The following DCP1B variants were observed in gnomAD, a reference collection of about 807,000 sequenced individuals.
The protein encoded by DCP1B is decapping mRNA 1B.
DCP1B carries 47 observed loss-of-function variants against 60.5 expected under a neutral mutation model. The observed-to-expected ratio is 0.78, with a 90% CI of 0.61 to 0.99. The LOEUF is 0.99. Ranked by LOEUF, DCP1B falls within the 50% of genes least tolerant of loss-of-function variation. The pLI is 0.00. For missense variants in DCP1B, 725 were observed against 756.8 expected, an observed-to-expected ratio of 0.96 and a Z score of 0.49; for synonymous variants, 267 against 280.3, an observed-to-expected ratio of 0.95 and a Z score of 0.47.
At chr12:2,001,887 G>A (rs2042273181) in intron 1 of DCP1B, among the ~76,000 whole-genome samples, 1 of 152,156 alleles carries the variant, frequency 6.6e-6, no homozygotes. Context: ...TCCAGACACT[G>A]CCAAATGTCA....
intron 5 of DCP1B, among the ~76,000 whole-genome samples, chr12:1,956,275 T>C (rs565740648): frequency 3.8e-4 from 58 of 152,358 alleles, no homozygotes; most frequent in African/African-American, 1.3e-3. Context: ...ATGGCAATGA[T>C]ACTGGTGTCT....
At chr12:1,989,170 G>A (rs1314336609) in intron 3 of DCP1B, among the ~76,000 whole-genome samples, 2 of 152,134 alleles carry the variant, frequency 1.3e-5, no homozygotes, top group African/African-American at 4.8e-5. Context: ...GATCACTTGA[G>A]GCCAGGAATT....
chr12:1,967,073 G>T (rs1197046383), intron 4 of DCP1B, among the ~76,000 whole-genome samples: 1 of 152,126 alleles, frequency 6.6e-6, no homozygotes, highest in Non-Finnish European at 1.5e-5. Flanking sequence ...CCCCATAAAT[G>T]GCAGGGAAAT....
Position 1,949,143 on chromosome 12 carries a change from G to C in DCP1B, c.1716C>G (p.Ile572Met). The C allele has an allele frequency of 6.2e-7, 1 of 1,614,124 alleles. No homozygotes were observed. Among genetic ancestry groups the C allele is most frequent in the East Asian group, 2.2e-5 (1 of 44,880 alleles). The change falls in exon 8 of 9, where the codon ATC becomes ATG. Residue 572 changes from isoleucine to methionine, a missense_variant. By Grantham distance (10) the Ile-to-Met change is conservative. Coordinates refer to ENST00000280665, the MANE Select transcript of DCP1B (RefSeq NM_152640.5). The stretch of plus-strand genomic sequence containing the variant: ...GGAGCTTGGTGAGTGGGCTGCTGGT[G>C]ATCACGGAGGGCTCCGGGCTCTGTA... ...LPIQSPEPSVITSSPLTKLQL... is the reference protein window; with the variant it reads ...LPIQSPEPSVMTSSPLTKLQL...
chr12:1,968,419 C>T (rs113478655), intron 3 of DCP1B, among the ~76,000 whole-genome samples: 4,127 of 150,330 alleles, frequency 0.027, 95 homozygotes, highest in Middle Eastern at 0.057. Context: ...TGTGCAAAGA[C>T]GCGCACCCAC....
intron 7 of DCP1B, among the ~76,000 whole-genome samples, chr12:1,951,660 C>T (rs1592778133): frequency 6.6e-6 from 1 of 152,180 alleles, no homozygotes; most frequent in Non-Finnish European, 1.5e-5. Flanking sequence ...CTGCACCTTT[C>T]AGGAGGAAAT....
At chr12:1,993,932 A>G (rs2040167282) in intron 2 of DCP1B, among the ~76,000 whole-genome samples, 1 of 152,240 alleles carries the variant, frequency 6.6e-6, no homozygotes, top group Non-Finnish European at 1.5e-5. Flanking sequence ...GTGAGGACAC[A>G]GCCTGAACTA....
At position 1,993,205 on chromosome 12, in the gene DCP1B, T is replaced by C; in HGVS notation, c.319+59A>G. On this transcript the variant is annotated intron_variant, in intron 3 of 8. Coordinates refer to ENST00000280665, the MANE Select transcript of DCP1B (RefSeq NM_152640.5). ...AACACAATGGCAAACACTGTACAATTTTAAACACTTGGCCAAACTTCAGAA... is the reference window on the plus strand; with the variant it reads ...AACACAATGGCAAACACTGTACAATCTTAAACACTTGGCCAAACTTCAGAA... 1 of 1,612,546 alleles carries C rather than the reference T, an allele frequency of 6.2e-7. No individual in the cohort carries two copies. Among genetic ancestry groups the C allele is most frequent in the Non-Finnish European group, 8.5e-7 (1 of 1,178,676 alleles).
intron 3 of DCP1B, among the ~76,000 whole-genome samples, chr12:1,979,470 C>T (rs1158571913): frequency 1.3e-5 from 2 of 151,758 alleles, no homozygotes; most frequent in African/African-American, 2.4e-5. Flanking sequence ...TGCCACCATG[C>T]CTGGCTAATT....
At chr12:1,951,525 C>A (rs1391530250) in intron 7 of DCP1B, among the ~76,000 whole-genome samples, 1 of 152,142 alleles carries the variant, frequency 6.6e-6, no homozygotes, top group Non-Finnish European at 1.5e-5. Context: ...AGGAGAGAAT[C>A]TTTCTAAAAA....
intron 3 of DCP1B, among the ~76,000 whole-genome samples, chr12:1,982,715 T>C (rs534119836): frequency 2.0e-5 from 3 of 152,292 alleles, no homozygotes; most frequent in African/African-American, 7.2e-5. Flanking sequence ...TTTTTATACC[T>C]ATATTCACAA....
chr12:1,996,653 A>AAC (rs2040958167), intron 2 of DCP1B, among the ~76,000 whole-genome samples: 2 of 36,646 alleles, frequency 5.5e-5, no homozygotes, highest in Non-Finnish European at 1.0e-4. Flanking sequence ...AAAAAAAAAA[A>AAC]AACAACAAAC....
At chr12:2,002,256 C>T (rs2042346651) in intron 1 of DCP1B, among the ~76,000 whole-genome samples, 1 of 152,190 alleles carries the variant, frequency 6.6e-6, no homozygotes, top group Non-Finnish European at 1.5e-5. Flanking sequence ...ACAATGTTCT[C>T]ATATTCTTAT....
At chr12:1,956,154 G>C (rs1318721848) in intron 5 of DCP1B, among the ~76,000 whole-genome samples, 2 of 152,162 alleles carry the variant, frequency 1.3e-5, no homozygotes, top group African/African-American at 4.8e-5. Flanking sequence ...GAATTTTGTA[G>C]AGAAAGAGAC....
Position 1,965,693 on chromosome 12 carries a change from G to T in DCP1B, c.387C>A (p.Asn129Lys). 6.2e-7 allele frequency: 1 copy of T among 1,601,812 alleles called. No homozygotes were observed. Among genetic ancestry groups the T allele is most frequent in the Non-Finnish European group, 8.5e-7 (1 of 1,176,034 alleles). The part of the protein sequence containing the change: ...ECQRIAELMK[N>K]LTQYEQLKAH... ...CTTTCAACTGTTCATACTGAGTTAG[G>T]CTAGAAAAACAGAGGGGAAAATCCA... The change falls in exon 5 of 9, where the codon AAC (asparagine) becomes AAA (lysine). Residue 129 changes from asparagine to lysine, a missense_variant and splice_region_variant. Transcript: ENST00000280665.
chr12:1,946,350 C>T, intron 8 of DCP1B, 64 bp from the exon 9 acceptor site: 1 of 1,355,848 alleles, frequency 7.4e-7, no homozygotes, highest in Non-Finnish European at 1.0e-6. Context: ...AAGGCTTCCT[C>T]TGTCTTAGAG....
rs576351183 is a variant in DCP1B, at chr12:1,978,374, G to C, written c.320-10464C>G. Among the ~76,000 whole-genome samples the C allele has an allele frequency of 3.9e-5, 6 of 152,318 alleles. No homozygotes were observed. In the East Asian group the frequency reaches 9.6e-4, roughly 24 times the overall value. ...AAGCCAAGACGCAAAGTAATAAAGA[G>C]TTAGTGTAATATTCTAACCAACACA... On this transcript the variant is annotated intron_variant, in intron 3 of 8. Transcript: ENST00000280665.
Position 1,993,300 on chromosome 12 carries a change from G to A in DCP1B, c.283C>T (p.Leu95Phe). 1 of 1,614,106 alleles carries A rather than the reference G, an allele frequency of 6.2e-7. No individual in the cohort carries two copies. The change falls in exon 3 of 9, where the codon CTC becomes TTC. Residue 95 changes from leucine to phenylalanine, a missense_variant. Transcript: ENST00000280665. ...EPITKDLDFQLQDPFLLYRNA... is the reference protein window; with the variant it reads ...EPITKDLDFQFQDPFLLYRNA... ...CTGTAGAGAAGGAAAGGGTCCTGGA[G>A]TTGGAAATCCAAGTCTTTAGTAATA...
intron 2 of DCP1B, among the ~76,000 whole-genome samples, chr12:1,994,852 T>A (rs1436708283): frequency 2.0e-5 from 3 of 152,116 alleles, no homozygotes; most frequent in Non-Finnish European, 4.4e-5. Flanking sequence ...TAAAGCAACT[T>A]CTGTAAGAGA....
Sources: gnomAD v4.1 joint callset for allele counts (sites outside exome capture counted in the v4.1 genomes callset) on GRCh38, gnomAD v4.1.1 for gene constraint, MANE v1.5 for transcripts, NCBI Gene and HGNC (gene_info 2026-07-23, HGNC 2026-07-21) for gene names.